Variants in UBE2E2 observed in about 807,000 individuals in gnomAD.
The protein encoded by UBE2E2 is ubiquitin conjugating enzyme E2 E2.
A neutral mutation model predicts 24.7 loss-of-function variants in UBE2E2; 6 were observed. That is an observed-to-expected ratio of 0.24 (90% CI 0.13 to 0.48). The LOEUF is 0.48. Among genes scored for constraint, UBE2E2 ranks in the 20% least tolerant of loss-of-function variants. UBE2E2 has a pLI of 0.99. For synonymous variants in UBE2E2, 104 were observed against 83.6 expected (o/e 1.24, Z -1.33); for missense variants, 169 against 245.0 (o/e 0.69, Z 2.07).
rs118131944 is a variant in UBE2E2, at chr3:23,414,579, G to A, written c.228-85029G>A. On this transcript the variant is annotated intron_variant, in intron 3 of 5. Transcript: ENST00000396703. ...CAAACTATATCACATTGCAATGGTA[G>A]GATCAGGTAACTTTCTAGTGTGATC... Among the ~76,000 whole-genome samples, 97 of 152,282 alleles carry A rather than the reference G, an allele frequency of 6.4e-4. 4 individuals carry two copies. In the East Asian group the frequency reaches 0.015, roughly 24 times the overall value.
Position 23,427,433 on chromosome 3 carries a change from G to A in UBE2E2, c.228-72175G>A, listed in dbSNP as rs531763046. On this transcript the variant is annotated intron_variant, in intron 3 of 5. Transcript: ENST00000396703. ...AAAAAGTATAACTGATAATCTAAGA[G>A]AGAAAATGGAATTATATAAAATGCT... 1.8e-4 allele frequency among the ~76,000 whole-genome samples: 27 copies of A among 152,012 alleles called. No individual in the cohort carries two copies. The South Asian group carries it at 5.6e-3, about 32-fold the overall frequency.
At chr3:23,404,436 C>G (rs1559373918) in intron 3 of UBE2E2, among the ~76,000 whole-genome samples, 1 of 152,086 alleles carries the variant, frequency 6.6e-6, no homozygotes, top group African/African-American at 2.4e-5. Flanking sequence ...ACTCATAGCC[C>G]ATAAACTCTT....
intron 5 of UBE2E2, among the ~76,000 whole-genome samples, chr3:23,565,884 A>G (rs1324008940): frequency 1.3e-5 from 2 of 151,966 alleles, no homozygotes; most frequent in East Asian, 3.9e-4. Context: ...CCGTCATGAG[A>G]TCGTTTTCTT....
At position 23,585,904 on chromosome 3, in the gene UBE2E2, G is replaced by GTT. The variant is rs201986762; in HGVS notation, c.509-3819_509-3818dup. Among the ~76,000 whole-genome samples the GTT allele has an allele frequency of 3.5e-3, 510 of 145,322 alleles. 5 individuals carry two copies. Among genetic ancestry groups the GTT allele is most frequent in the African/African-American group, 0.01 (401 of 39,862 alleles). ...AAAAAAATTATTTGGTTGATAACATGTTTTTTTTTTTTATTACCTTTTAGT... is the reference window on the plus strand; with the variant it reads ...AAAAAAATTATTTGGTTGATAACATGTTTTTTTTTTTTTTATTACCTTTTAGT... On this transcript the variant is annotated intron_variant, in intron 5 of 5. Transcript: ENST00000396703.
intron 5 of UBE2E2, among the ~76,000 whole-genome samples, chr3:23,543,561 T>A (rs113763382): frequency 0.08 from 7,773 of 97,128 alleles, 245 homozygotes; most frequent in South Asian, 0.2. Flanking sequence ...AAAAAAAAAA[T>A]AATAATAGAT....
chr3:23,461,169 A>G (rs890579927), intron 3 of UBE2E2, among the ~76,000 whole-genome samples: 2 of 152,018 alleles, frequency 1.3e-5, no homozygotes, highest in Non-Finnish European at 2.9e-5. Context: ...AATGTGTGGC[A>G]TATTTAGAAA....
chr3:23,447,777 A>G (rs1323150524), intron 3 of UBE2E2, among the ~76,000 whole-genome samples: 2 of 152,212 alleles, frequency 1.3e-5, no homozygotes, highest in Non-Finnish European at 2.9e-5. Flanking sequence ...AGAAATCACT[A>G]TATTACAGCC....
At chr3:23,228,591 A>T (rs1393283541) in intron 3 of UBE2E2, among the ~76,000 whole-genome samples, 1 of 152,146 alleles carries the variant, frequency 6.6e-6, no homozygotes, top group Non-Finnish European at 1.5e-5. Context: ...AAACAAATAA[A>T]ATTTTTTAGT....
At chr3:23,264,081 T>C (rs1697976087) in intron 3 of UBE2E2, among the ~76,000 whole-genome samples, 1 of 152,180 alleles carries the variant, frequency 6.6e-6, no homozygotes, top group South Asian at 2.1e-4. Context: ...ATGTAGGTAC[T>C]ACCATTACCT....
At chr3:23,564,000 AAAGAG>A (rs1173972418) in intron 5 of UBE2E2, among the ~76,000 whole-genome samples, 2 of 151,606 alleles carry the variant, frequency 1.3e-5, no homozygotes, top group East Asian at 3.9e-4. Flanking sequence ...AAAGAAAAGA[AAAGAG>A]AAAGAAGGAA....
intron 3 of UBE2E2, among the ~76,000 whole-genome samples, chr3:23,351,548 G>A (rs1695749233): frequency 1.3e-5 from 2 of 152,146 alleles, no homozygotes; most frequent in African/African-American, 4.8e-5. Context: ...GGTCTACCAA[G>A]CAAATGGAAA....
At chr3:23,478,795 C>CT (rs1699192047) in intron 3 of UBE2E2, among the ~76,000 whole-genome samples, 1 of 152,008 alleles carries the variant, frequency 6.6e-6, no homozygotes, top group Non-Finnish European at 1.5e-5. Context: ...AATCCCAACA[C>CT]TTTGAGTGGC....
intron 4 of UBE2E2, among the ~76,000 whole-genome samples, chr3:23,505,295 C>A (rs1694421371): frequency 6.6e-6 from 1 of 152,038 alleles, no homozygotes; most frequent in South Asian, 2.1e-4. Context: ...TTTGTCTTTT[C>A]AGTAGAAATG....
At chr3:23,493,332 A>T (rs1699539321) in intron 3 of UBE2E2, among the ~76,000 whole-genome samples, 1 of 152,186 alleles carries the variant, frequency 6.6e-6, no homozygotes, top group South Asian at 2.1e-4. Flanking sequence ...GTAATATTTC[A>T]GCTGTACATA....
intron 4 of UBE2E2, among the ~76,000 whole-genome samples, chr3:23,519,861 T>G (rs977475579): frequency 2.0e-5 from 3 of 151,886 alleles, no homozygotes; most frequent in African/African-American, 4.8e-5. Flanking sequence ...TTTTTCATTA[T>G]TTTGTAGAGA....
intron 3 of UBE2E2, chr3:23,449,911 G>T (rs1374324943): frequency 1.7e-5 from 17 of 985,258 alleles, no homozygotes; most frequent in Non-Finnish European, 2.0e-5. Context: ...CCCCACATGG[G>T]GACCCCTCCC....
chr3:23,483,110 T>G (rs1471941653), intron 3 of UBE2E2, among the ~76,000 whole-genome samples: 1 of 152,218 alleles, frequency 6.6e-6, no homozygotes, highest in Non-Finnish European at 1.5e-5. Context: ...AGTTTATCAT[T>G]GCTGCTATGG....
chr3:23,209,245 T>C (rs1696246979), intron 2 of UBE2E2, among the ~76,000 whole-genome samples: 1 of 152,210 alleles, frequency 6.6e-6, no homozygotes. Context: ...TTTGAAGTAG[T>C]TACTGAGTGA....
chr3:23,259,591 G>T, intron 3 of UBE2E2, among the ~76,000 whole-genome samples: 1 of 150,356 alleles, frequency 6.7e-6, no homozygotes. Flanking sequence ...AAAAAGTCTT[G>T]ACTCAAATAT....
Sources: allele counts gnomAD v4.1 joint callset (sites outside exome capture counted in the v4.1 genomes callset), GRCh38; gene constraint gnomAD v4.1.1; transcripts MANE v1.5; gene names NCBI Gene and HGNC (gene_info 2026-07-23, HGNC 2026-07-21).